Variants in PDK3 observed in about 807,000 individuals in gnomAD.
The protein encoded by PDK3 is pyruvate dehydrogenase kinase, isozyme 3.
A neutral mutation model predicts 32.0 loss-of-function variants in PDK3; 12 were observed. The observed-to-expected ratio is 0.37, with a 90% CI of 0.24 to 0.61. The LOEUF is 0.61. Among genes scored for constraint, PDK3 ranks in the 20% least tolerant of loss-of-function variants. The pLI is 0.65. For synonymous variants in PDK3, 122 were observed against 116.3 expected (o/e 1.05, Z -0.31); for missense variants, 188 against 316.9 (o/e 0.59, Z 3.09).
chrX:24,535,829 C>T (rs1216010790), downstream of PDK3, among the ~76,000 whole-genome samples: 1 of 106,030 alleles, frequency 9.4e-6, no homozygotes, highest in African/African-American at 3.4e-5. Flanking sequence ...GGATTACAGG[C>T]GTGGGCCACC....
exon 12 of PDK3, chrX:24,550,359 G>A (rs1010108425): frequency 1.8e-5 from 2 of 112,053 alleles, no homozygotes. Context: ...ATGTTCCCCG[G>A]AAGTTGCAGA....
At chrX:24,506,720 A>G (rs888169140) in intron 5 of PDK3, among the ~76,000 whole-genome samples, 1 of 110,325 alleles carries the variant, frequency 9.1e-6, no homozygotes, top group East Asian at 2.8e-4. Context: ...TAAAATGCTC[A>G]ATTCAGTGTT....
In PDK3 at chrX:24,531,826, C is replaced by T. The variant is rs751837641; in HGVS notation, c.1077+56C>T. ...TCTTTGCTTTTTAAAGCTGTAAGTTCTAATCGCTGATTGAGAACAGCACTG... is the reference window on the plus strand; with the variant it reads ...TCTTTGCTTTTTAAAGCTGTAAGTTTTAATCGCTGATTGAGAACAGCACTG... On this transcript the variant is annotated intron_variant, in intron 10 of 10. Transcript: ENST00000379162. 37 of 606,849 alleles carry T rather than the reference C, an allele frequency of 6.1e-5. 1 individual carries two copies. Among genetic ancestry groups the T allele is most frequent in the Non-Finnish European group, 9.7e-5 (35 of 359,635 alleles). 50.0% of individuals were successfully genotyped at this position (606,849 alleles called of 1,213,427 possible).
chrX:24,465,887 T>C (rs954020307), intron 1 of PDK3, among the ~76,000 whole-genome samples: 4 of 111,709 alleles, frequency 3.6e-5, no homozygotes, highest in Non-Finnish European at 7.5e-5. Context: ...CAGAACGAGA[T>C]GTGGGTGGCT....
At chrX:24,466,580 G>A (rs1235430432) in intron 1 of PDK3, among the ~76,000 whole-genome samples, 1 of 111,202 alleles carries the variant, frequency 9.0e-6, no homozygotes, top group Non-Finnish European at 1.9e-5. Context: ...AAAGTGCAGA[G>A]TAGGTAGAAC....
chrX:24,535,902 C>CA (rs1254432751), downstream of PDK3, among the ~76,000 whole-genome samples: 76 of 27,343 alleles, frequency 2.8e-3, no homozygotes, highest in South Asian at 0.026. Context: ...CCATGCTGGT[C>CA]AAAAAAAAAA....
exon 12 of PDK3, chrX:24,548,163 C>G (rs1393900987): frequency 8.9e-6 from 1 of 112,099 alleles, no homozygotes; most frequent in Non-Finnish European, 1.9e-5. Flanking sequence ...AGCTTCAAAA[C>G]TAGAGTATTG....
chrX:24,493,585 C>T (rs1921626638), intron 1 of PDK3, among the ~76,000 whole-genome samples: 1 of 111,511 alleles, frequency 9.0e-6, no homozygotes, highest in Non-Finnish European at 1.9e-5. Context: ...GAATATGGAG[C>T]AGCAAAGAGG....
chrX:24,547,724 A>G (rs1463163595), exon 12 of PDK3: 1 of 112,784 alleles, frequency 8.9e-6, no homozygotes, highest in African/African-American at 3.2e-5. Flanking sequence ...AAAAGCAAAG[A>G]ATTACAATTG....
chrX:24,475,108 G>A (rs1209144693), intron 1 of PDK3, among the ~76,000 whole-genome samples: 1 of 111,270 alleles, frequency 9.0e-6, no homozygotes, highest in African/African-American at 3.3e-5. Context: ...AAAAAATTAT[G>A]TTAGGAAAAG....
intron 1 of PDK3, among the ~76,000 whole-genome samples, chrX:24,466,600 A>G (rs1940066900): frequency 9.0e-6 from 1 of 111,305 alleles, no homozygotes; most frequent in Non-Finnish European, 1.9e-5. Context: ...CATTTGAGGA[A>G]GACCTGATAT....
chrX:24,527,718 A>C (rs1234695345), intron 8 of PDK3, 43 bp downstream of exon 8: 1 of 724,711 alleles, frequency 1.4e-6, no homozygotes, highest in Admixed American at 3.2e-5. Flanking sequence ...ATCAGTTGTG[A>C]TTTAATAGTA....
intron 4 of PDK3, 43 bp downstream of exon 4, chrX:24,503,554 A>G (rs201370504): frequency 1.1e-6 from 1 of 927,992 alleles, no homozygotes; most frequent in Admixed American, 3.4e-5. Flanking sequence ...AGGTAACCAT[A>G]GTGATTTCTC....
At chrX:24,484,589 TC>T (rs2148184231) in intron 1 of PDK3, among the ~76,000 whole-genome samples, 1 of 112,074 alleles carries the variant, frequency 8.9e-6, no homozygotes, top group African/African-American at 3.2e-5. Flanking sequence ...AGAGAGGGGA[TC>T]AAGGGACTAC....
chrX:24,486,419 G>A (rs1208873147), intron 1 of PDK3, among the ~76,000 whole-genome samples: 3 of 110,982 alleles, frequency 2.7e-5, no homozygotes, highest in Non-Finnish European at 5.7e-5. Flanking sequence ...TGCAGCCTTC[G>A]GGTTTTCCCA....
intron 1 of PDK3, among the ~76,000 whole-genome samples, chrX:24,488,534 C>G (rs772538656): frequency 1.8e-5 from 2 of 111,232 alleles, no homozygotes; most frequent in Admixed American, 1.9e-4. Flanking sequence ...ACTAAAAATA[C>G]AAAAATTAGC....
intron 2 of PDK3, among the ~76,000 whole-genome samples, chrX:24,495,748 C>G: frequency 8.9e-6 from 1 of 112,128 alleles, no homozygotes; most frequent in Admixed American, 9.4e-5. Flanking sequence ...GCCCTCTCCC[C>G]TCCCCAGAGG....
chrX:24,507,678 G>A (rs1250786346), intron 5 of PDK3, among the ~76,000 whole-genome samples: 1 of 111,937 alleles, frequency 8.9e-6, no homozygotes, highest in East Asian at 2.8e-4. Context: ...TTTGTTTCTG[G>A]CATAAATTAT....
chrX:24,473,998 T>A (rs1193312041), intron 1 of PDK3, among the ~76,000 whole-genome samples: 1 of 112,206 alleles, frequency 8.9e-6, no homozygotes, highest in East Asian at 2.8e-4. Flanking sequence ...AATGAGTTGG[T>A]AGGAAATGAT....
Sources: gnomAD v4.1 joint callset for allele counts (sites outside exome capture counted in the v4.1 genomes callset) on GRCh38, gnomAD v4.1.1 for gene constraint, MANE v1.5 for transcripts, NCBI Gene and HGNC (gene_info 2026-07-23, HGNC 2026-07-21) for gene names.